The following KIAA1958 variants were observed in gnomAD, a reference collection of about 807,000 sequenced individuals.
KIAA1958 encodes the protein uncharacterized protein KIAA1958.
A neutral mutation model predicts 47.2 loss-of-function variants in KIAA1958; 14 were observed. The observed-to-expected ratio is 0.30, with a 90% CI of 0.20 to 0.46. The LOEUF (loss-of-function observed/expected upper bound fraction) is 0.46. Among genes scored for constraint, KIAA1958 ranks in the 20% least tolerant of loss-of-function variants. The pLI is 1.00. For missense variants in KIAA1958, 803 were observed against 909.2 expected (o/e 0.88, Z 1.50); for synonymous variants, 354 against 353.3 (o/e 1.00, Z -0.02).
Position 112,542,878 on chromosome 9 carries a change from A to G in KIAA1958, c.-24-31179A>G, listed in dbSNP as rs76071839. 9.5e-3 allele frequency among the ~76,000 whole-genome samples: 1,444 copies of G among 152,336 alleles called. 14 individuals carry two copies. Among genetic ancestry groups the G allele is most frequent in the African/African-American group, 0.033 (1,371 of 41,576 alleles). On this transcript the variant is annotated intron_variant, in intron 1 of 3. Transcript: ENST00000337530. ...CCACTGCATGAGATTTAAGGACCAC[A>G]GGTGCTCAGGCTGGTGAGACTGGTA...
rs138588446 is a variant in KIAA1958, at chr9:112,615,470, G to T, written c.1172-30180G>T. Among the ~76,000 whole-genome samples, 10 of 150,136 alleles carry T rather than the reference G, an allele frequency of 6.7e-5. No homozygotes were observed. In the East Asian group the frequency reaches 1.7e-3, roughly 26 times the overall value. On this transcript the variant is annotated intron_variant, in intron 2 of 3. Coordinates refer to ENST00000337530, the MANE Select transcript of KIAA1958 (RefSeq NM_133465.4). ...ACTCTACCTAGAATCAGTATTTCAT[G>T]ATATGATTTGATAATATTAAATACC...
chr9:112,537,100 C>T (rs909706014), intron 1 of KIAA1958, among the ~76,000 whole-genome samples: 4 of 143,874 alleles, frequency 2.8e-5, no homozygotes, highest in Admixed American at 2.8e-4. Context: ...CTCCTCTCTT[C>T]TCTTTTCTTT....
chr9:112,579,976 C>G (rs1301639113), intron 2 of KIAA1958, among the ~76,000 whole-genome samples: 1 of 152,200 alleles, frequency 6.6e-6, no homozygotes, highest in African/African-American at 2.4e-5. Context: ...GCCTTCCTCC[C>G]TATTAGATTC....
rs114036759 is a variant in KIAA1958, at chr9:112,655,118, A to G, written c.1345-4145A>G. Among the ~76,000 whole-genome samples the G allele has an allele frequency of 7.0e-3, 1,068 of 152,336 alleles. 18 individuals carry two copies. Among genetic ancestry groups the G allele is most frequent in the African/African-American group, 0.024 (1,009 of 41,566 alleles). On this transcript the variant is annotated intron_variant, in intron 3 of 3. Coordinates refer to ENST00000337530, the MANE Select transcript of KIAA1958 (RefSeq NM_133465.4). Reference sequence around the variant, plus strand: ...CCTGTAAATTACACTTCATTGTAGTAAGAGGATCTTTTTCTTCCTATCTAA... The same window carrying G: ...CCTGTAAATTACACTTCATTGTAGTGAGAGGATCTTTTTCTTCCTATCTAA...
intron 2 of KIAA1958, among the ~76,000 whole-genome samples, chr9:112,620,408 A>C (rs1299971400): frequency 6.6e-6 from 1 of 152,226 alleles, no homozygotes; most frequent in African/African-American, 2.4e-5. Flanking sequence ...AATTTAGTGT[A>C]TAACCAGGAC....
intron 2 of KIAA1958, among the ~76,000 whole-genome samples, chr9:112,613,695 A>G (rs1309794310): frequency 6.6e-6 from 1 of 152,204 alleles, no homozygotes; most frequent in Non-Finnish European, 1.5e-5. Context: ...ATGAAAGAGG[A>G]TATCCCAATG....
chr9:112,593,073 G>T (rs147808111), intron 2 of KIAA1958, among the ~76,000 whole-genome samples: 3 of 152,262 alleles, frequency 2.0e-5, no homozygotes, highest in African/African-American at 7.2e-5. Context: ...AGAGTTTTGA[G>T]GTGGGATACT....
intron 2 of KIAA1958, among the ~76,000 whole-genome samples, chr9:112,582,278 G>A (rs190957039): frequency 5.9e-5 from 9 of 152,230 alleles, no homozygotes; most frequent in African/African-American, 2.2e-4. Flanking sequence ...TGCTTGAGGG[G>A]CTGAATACCC....
In KIAA1958 at chr9:112,645,733, A is replaced by G; in HGVS notation, c.1255A>G (p.Asn419Asp). ...NDLCTSAVSP[N>D]TTKATRYALN... ...TCTGTGTACCAGTGCAGTAAGCCCA[A>G]ATACTACCAAAGCCACGCGGTACGC... The change falls in exon 3 of 4, where the codon AAT (asparagine) becomes GAT (aspartate). Residue 419 changes from asparagine to aspartate, a missense_variant. Asn to Asp is a conservative substitution (Grantham distance 23, BLOSUM62 1). Transcript: ENST00000337530. 3 of 1,614,124 alleles carry G rather than the reference A, an allele frequency of 1.9e-6. No individual in the cohort carries two copies. The highest frequency in any genetic ancestry group is 2.5e-6 in the Non-Finnish European group (3 of 1,179,970).
intron 3 of KIAA1958, among the ~76,000 whole-genome samples, chr9:112,647,534 AAC>A (rs1469645605): frequency 1.3e-5 from 2 of 152,212 alleles, no homozygotes; most frequent in African/African-American, 2.4e-5. Context: ...AAAAACAACA[AAC>A]AACAGATTTA....
chr9:112,530,528 A>G (rs1164441097), intron 1 of KIAA1958, among the ~76,000 whole-genome samples: 1 of 151,990 alleles, frequency 6.6e-6, no homozygotes, highest in Non-Finnish European at 1.5e-5. Flanking sequence ...TTTTTTCATT[A>G]TTGGATTGGT....
rs1245624227 is a variant in KIAA1958, at chr9:112,666,432, T to C, written c.*6363T>C. 1 of 152,126 alleles carries C rather than the reference T, an allele frequency of 6.6e-6. No individual in the cohort carries two copies. Among genetic ancestry groups the C allele is most frequent in the Non-Finnish European group, 1.5e-5 (1 of 68,032 alleles). The allele number at this position is 152,126 out of a possible 1,614,324, so 9.4% of individuals were successfully genotyped here. A position where few individuals can be genotyped will look rare whatever the true frequency, so the allele number is the denominator to read the frequency against. On this transcript the variant is annotated 3_prime_UTR_variant, in exon 4 of 4. Transcript: ENST00000337530. The stretch of plus-strand genomic sequence containing the variant: ...CATCCAAGATCAGCCAAACAATAAG[T>C]AATAGATTCAGGACTAGAGAGTTAG...
In KIAA1958 at chr9:112,662,422, G is replaced by T. The variant is rs147038437; in HGVS notation, c.*2353G>T. The T allele has an allele frequency of 6.6e-6, 1 of 151,980 alleles. No individual in the cohort carries two copies. Among genetic ancestry groups the T allele is most frequent in the South Asian group, 2.1e-4 (1 of 4,818 alleles). The allele number at this position is 151,980 out of a possible 1,614,324, so 9.4% of individuals were successfully genotyped here. ...CATTTATGTATATGTGTGTGTGTCT[G>T]TGTATACACACAAACACATATACAT... is the stretch of plus-strand genomic sequence containing the variant. On this transcript the variant is annotated 3_prime_UTR_variant, in exon 4 of 4. Transcript: ENST00000337530.
intron 2 of KIAA1958, among the ~76,000 whole-genome samples, chr9:112,632,117 C>CTT (rs529103566): frequency 3.4e-4 from 52 of 152,152 alleles, no homozygotes; most frequent in African/African-American, 1.2e-3. Context: ...TGTTGCAAAA[C>CTT]TTTAAGTCCC....
chr9:112,574,833 A>C lies in KIAA1958; in HGVS notation c.753A>C (p.Lys251Asn), dbSNP rs774204483. The stretch of plus-strand genomic sequence containing the variant: ...GTCCCTCCTGTGTAGGGTCTGCTAA[A>C]CTGATTCCCCATGTCACATCTGCCA... The part of the protein sequence containing the change: ...HAGPSCVGSA[K>N]LIPHVTSAIS... The change falls in exon 2 of 4, where the codon AAA becomes AAC. Residue 251 changes from lysine (K) to asparagine (N), a missense_variant. This residue lies in a region of KIAA1958 where 761 missense variants were observed against 829.3 expected (regional missense o/e 0.92). Coordinates refer to ENST00000337530, the MANE Select transcript of KIAA1958 (RefSeq NM_133465.4). The C allele has an allele frequency of 6.2e-7, 1 of 1,614,044 alleles. No homozygotes were observed. The highest frequency in any genetic ancestry group is 2.2e-5 in the East Asian group (1 of 44,878).
rs113892412 is a variant in KIAA1958, at chr9:112,533,601, A to G, written c.-24-40456A>G. Among the ~76,000 whole-genome samples the G allele has an allele frequency of 7.3e-3, 781 of 107,640 alleles. 10 individuals are homozygous for G. The highest frequency in any genetic ancestry group is 0.026 in the African/African-American group (731 of 28,376). 70.6% of individuals were successfully genotyped at this position (107,640 alleles called of 152,430 possible). A position where few individuals can be genotyped will look rare whatever the true frequency, so the allele number is the denominator to read the frequency against. On this transcript the variant is annotated intron_variant, in intron 1 of 3. Coordinates refer to ENST00000337530, the MANE Select transcript of KIAA1958 (RefSeq NM_133465.4). ...ATCCCAAAAAAAAAAAAAAAAAAAA[A>G]AAAAGAAAAGAGGTTTAATTGACTC...
rs1837268447 is a variant in KIAA1958 at position 112,661,038 on chromosome 9, A to G, written c.*969A>G. Reference sequence around the variant, plus strand: ...GGTAATTTTTAGTCTTAGCCAAGAAAAGCTAACCAAACAAGCTGCAAAAAA... The same window carrying G: ...GGTAATTTTTAGTCTTAGCCAAGAAGAGCTAACCAAACAAGCTGCAAAAAA... On this transcript the variant is annotated 3_prime_UTR_variant, in exon 4 of 4. Transcript: ENST00000337530. 1 of 152,204 alleles carries G rather than the reference A, an allele frequency of 6.6e-6. No homozygotes were observed. Among genetic ancestry groups the G allele is most frequent in the South Asian group, 2.1e-4 (1 of 4,832 alleles). 9.4% of individuals were successfully genotyped at this position (152,204 alleles called of 1,614,324 possible).
At chr9:112,568,903 A>AAT (rs1237927656) in intron 1 of KIAA1958, among the ~76,000 whole-genome samples, 3 of 126,908 alleles carry the variant, frequency 2.4e-5, no homozygotes, top group Admixed American at 9.0e-5. Context: ...AAAAAAAAAA[A>AAT]AAATAGAGCT....
intron 1 of KIAA1958, among the ~76,000 whole-genome samples, chr9:112,535,299 A>G (rs938695713): frequency 6.6e-6 from 1 of 152,042 alleles, no homozygotes; most frequent in Admixed American, 6.5e-5. Context: ...TGTGAGTTCA[A>G]CTTTTTTAGA....
Sources: gnomAD v4.1 joint callset for allele counts (sites outside exome capture counted in the v4.1 genomes callset) on GRCh38, gnomAD v4.1.1 for gene constraint, gnomAD v4.1.1 regional missense constraint, MANE v1.5 for transcripts, NCBI Gene and HGNC (gene_info 2026-07-23, HGNC 2026-07-21) for gene names.